ZNF771: variants seen among roughly 807,000 people sequenced by gnomAD.
ZNF771 encodes the protein mesenchymal stem cell protein DSC43.
A neutral mutation model predicts 27.6 loss-of-function variants in ZNF771; 10 were observed. The ratio of observed to expected loss-of-function variants is 0.36; its 90% CI spans 0.22 to 0.61. The LOEUF (loss-of-function observed/expected upper bound fraction) is 0.61. Ranked by LOEUF, ZNF771 falls within the 20% of genes least tolerant of loss-of-function variation. ZNF771 has a pLI of 0.70. For synonymous variants in ZNF771, 261 were observed against 225.2 expected (o/e 1.16, Z -1.43); for missense variants, 438 against 503.7 (o/e 0.87, Z 1.25).
At position 30,417,539 on chromosome 16, in the gene ZNF771, C is replaced by A; in HGVS notation, c.142-16C>A. On this transcript the variant is annotated splice_polypyrimidine_tract_variant and intron_variant, in intron 2 of 2. Coordinates refer to ENST00000319296, the MANE Select transcript of ZNF771 (RefSeq NM_001142305.2). ...GGCCTGCCGCTAAGGGCTGACCTAT[C>A]CCCCTCTCCCCGCAGGTCCCGGGCG... The A allele has an allele frequency of 8.2e-7, 1 of 1,215,250 alleles. No homozygotes were observed. Among genetic ancestry groups the A allele is most frequent in the Non-Finnish European group, 1.0e-6 (1 of 978,292 alleles). 75.3% of individuals were successfully genotyped at this position (1,215,250 alleles called of 1,614,324 possible). A position where few individuals can be genotyped will look rare whatever the true frequency, so the allele number is the denominator to read the frequency against.
chr16:30,411,365 T>A (rs2050102873), intron 2 of ZNF771, among the ~76,000 whole-genome samples: 1 of 151,716 alleles, frequency 6.6e-6, no homozygotes, highest in East Asian at 1.9e-4. Flanking sequence ...ATTTTCTGTT[T>A]AGAAGAATTA....
At chr16:30,408,818 CTGT>C (rs1285816496) in intron 2 of ZNF771, among the ~76,000 whole-genome samples, 4 of 152,004 alleles carry the variant, frequency 2.6e-5, no homozygotes, top group South Asian at 2.1e-4. Context: ...TTTATTATTA[CTGT>C]TGTTATTGTT....
chr16:30,409,266 G>A (rs1047154020), intron 2 of ZNF771, among the ~76,000 whole-genome samples: 1 of 152,106 alleles, frequency 6.6e-6, no homozygotes, highest in Non-Finnish European at 1.5e-5. Context: ...GTGAGCCACC[G>A]TATCCAGCCA....
At chr16:30,412,717 G>T (rs947773254) in intron 2 of ZNF771, among the ~76,000 whole-genome samples, 1 of 152,034 alleles carries the variant, frequency 6.6e-6, no homozygotes, top group Non-Finnish European at 1.5e-5. Flanking sequence ...GCTTTAGCCC[G>T]GGAAGTCAAG....
chr16:30,411,369 A>G (rs1415506960), intron 2 of ZNF771, among the ~76,000 whole-genome samples: 2 of 152,104 alleles, frequency 1.3e-5, no homozygotes, highest in Non-Finnish European at 2.9e-5. Context: ...TCTGTTTAGA[A>G]GAATTATTGG....
In ZNF771 at chr16:30,418,705, A is replaced by C; in HGVS notation, c.*338A>C. 2.1e-5 allele frequency: 6 copies of C among 289,362 alleles called. No homozygotes were observed. The highest frequency in any genetic ancestry group is 6.4e-6 in the Non-Finnish European group (1 of 157,100). 17.9% of individuals were successfully genotyped at this position (289,362 alleles called of 1,614,324 possible). On this transcript the variant is annotated 3_prime_UTR_variant, in exon 3 of 3. Transcript: ENST00000319296. Reference sequence around the variant, plus strand: ...GAACCAAATGGGGATGTAAACCTAAAAGGGGTTCCCGGCACCTCGGTTTGT... The same window carrying C: ...GAACCAAATGGGGATGTAAACCTAACAGGGGTTCCCGGCACCTCGGTTTGT...
intron 2 of ZNF771, chr16:30,413,448 G>T (rs1371554382): frequency 3.9e-6 from 1 of 255,456 alleles, no homozygotes; most frequent in Non-Finnish European, 8.2e-6. Context: ...TGATGAAATT[G>T]TGGGTTTCAT....
Position 30,417,596 on chromosome 16 carries a change from T to C in ZNF771, c.183T>C (p.Arg61=). 8.0e-7 allele frequency: 1 copy of C among 1,243,456 alleles called. No individual in the cohort carries two copies. Among genetic ancestry groups the C allele is most frequent in the South Asian group, 3.7e-5 (1 of 26,754 alleles). The allele number at this position is 1,243,456 out of a possible 1,614,324, so 77.0% of individuals were successfully genotyped here. A position where few individuals can be genotyped will look rare whatever the true frequency, so the allele number is the denominator to read the frequency against. The change falls in exon 3 of 3, where the codon CGT becomes CGC. Residue 61 remains arginine, a synonymous_variant. Transcript: ENST00000319296. ...CCGCGCCGTCCGCCGACCCGGCGCG[T>C]CCCCACGCGTGCCCCGACTGCGGCC... is the stretch of plus-strand genomic sequence containing the variant. ...EAPAPSADPA[R]PHACPDCGRA...
intron 1 of ZNF771, 42 bp from the exon 2 acceptor site, chr16:30,408,003 G>GT: frequency 1.3e-6 from 1 of 799,586 alleles, no homozygotes; most frequent in Non-Finnish European, 1.8e-6. Context: ...GGGGGGTGGG[G>GT]GGGGGCGGGT....
intron 2 of ZNF771, 96 bp from the exon 3 acceptor site, chr16:30,417,459 G>A: frequency 1.2e-6 from 1 of 834,630 alleles, no homozygotes; most frequent in Non-Finnish European, 1.6e-6. Flanking sequence ...TCATAGATGG[G>A]GAACTGAGGC....
chr16:30,411,234 G>A (rs1271863568), intron 2 of ZNF771, among the ~76,000 whole-genome samples: 4 of 151,654 alleles, frequency 2.6e-5, no homozygotes, highest in African/African-American at 4.9e-5. Flanking sequence ...CAGGAGAATC[G>A]CTTGAATCTG....
chr16:30,414,940 C>T (rs1288921972), intron 2 of ZNF771, among the ~76,000 whole-genome samples: 68 of 142,142 alleles, frequency 4.8e-4, no homozygotes, highest in African/African-American at 1.3e-3. Context: ...CCACCGCGCC[C>T]GGCCTCTTTT....
chr16:30,410,859 A>C (rs1482058845), intron 2 of ZNF771, among the ~76,000 whole-genome samples: 62 of 146,998 alleles, frequency 4.2e-4, no homozygotes, highest in South Asian at 1.7e-3. Context: ...ATCTCTACAA[A>C]AAAAAAAAAA....
At chr16:30,415,185 T>G (rs2050127103) in intron 2 of ZNF771, among the ~76,000 whole-genome samples, 1 of 151,532 alleles carries the variant, frequency 6.6e-6, no homozygotes, top group Admixed American at 6.6e-5. Flanking sequence ...CTTGAACTCC[T>G]GACCTCAAGT....
intron 2 of ZNF771, chr16:30,413,651 C>A: frequency 5.0e-6 from 2 of 398,410 alleles, no homozygotes; most frequent in Non-Finnish European, 1.0e-5. Flanking sequence ...CTCACTGCAG[C>A]CTTGAACTCT....
intron 2 of ZNF771, chr16:30,414,696 G>C (rs2050123946): frequency 6.6e-6 from 1 of 151,992 alleles, no homozygotes; most frequent in Non-Finnish European, 1.5e-5. Flanking sequence ...CCAGGCTGGA[G>C]TGCAGTGGCG....
chr16:30,412,041 T>G (rs2050107353), intron 2 of ZNF771, among the ~76,000 whole-genome samples: 1 of 152,196 alleles, frequency 6.6e-6, no homozygotes, highest in Non-Finnish European at 1.5e-5. Flanking sequence ...GGGTGAGGTC[T>G]CAGCTCCTAA....
Position 30,417,656 on chromosome 16 carries a change from CGCGCGCACGCACACGGG to C in ZNF771, c.244_260del (p.Ala82ArgfsTer228). On this transcript the variant is annotated frameshift_variant, in exon 3 of 3. Coordinates refer to ENST00000319296, the MANE Select transcript of ZNF771 (RefSeq NM_001142305.2). LOFTEE classifies it high-confidence loss of function. Reference sequence around the variant, plus strand: ...CGCGCCGCTCCACGCTGGCGAAGCACGCGCGCACGCACACGGGCGAACGGCCCTTCGGGTGCACCGAG... The same window carrying C: ...CGCGCCGCTCCACGCTGGCGAAGCACCGAACGGCCCTTCGGGTGCACCGAG... 7.3e-7 allele frequency: 1 copy of C among 1,374,012 alleles called. No individual in the cohort carries two copies. Among genetic ancestry groups the C allele is most frequent in the Non-Finnish European group, 9.4e-7 (1 of 1,066,212 alleles). The allele number at this position is 1,374,012 out of a possible 1,614,324, so 85.1% of individuals were successfully genotyped here.
In ZNF771 at chr16:30,418,272, T is replaced by A; in HGVS notation, c.859T>A (p.Tyr287Asn). ...ACGCGCGCACATGCGGCGCCGCCTG[T>A]ATATTTGCGCCGGCTGCGGCAGGGA... Reference protein sequence around the residue: ...HRRAHMRRRLYICAGCGRDFK... With the variant: ...HRRAHMRRRLNICAGCGRDFK... Residue 287 changes from tyrosine (Y) to asparagine (N), a missense_variant, in exon 3 of 3, where the codon TAT becomes AAT. By Grantham distance (143) the Tyr-to-Asn change is moderately radical (BLOSUM62 -2). This residue lies in a region of ZNF771 where 305 missense variants were observed against 308.0 expected (regional missense o/e 0.99). Coordinates refer to ENST00000319296, the MANE Select transcript of ZNF771 (RefSeq NM_001142305.2). 6.6e-7 allele frequency: 1 copy of A among 1,511,312 alleles called. No individual in the cohort carries two copies. The highest frequency in any genetic ancestry group is 8.8e-7 in the Non-Finnish European group (1 of 1,136,672). The allele number at this position is 1,511,312 out of a possible 1,614,324, so 93.6% of individuals were successfully genotyped here.
Sources: allele counts gnomAD v4.1 joint callset (sites outside exome capture counted in the v4.1 genomes callset), GRCh38; gene constraint gnomAD v4.1.1; regional missense constraint gnomAD v4.1.1; transcripts MANE v1.5; gene names NCBI Gene and HGNC (gene_info 2026-07-23, HGNC 2026-07-21).